Variants in TAB1 observed in about 807,000 individuals in gnomAD.
TAB1 encodes TGF-beta activated kinase 1 (MAP3K7) binding protein 1.
TAB1 carries 30 observed loss-of-function variants against 54.5 expected under a neutral mutation model. The observed-to-expected ratio is 0.55, with a 90% CI of 0.41 to 0.75. The LOEUF is 0.75. Among genes scored for constraint, TAB1 ranks in the 30% least tolerant of loss-of-function variants. The pLI is 0.00. For missense variants in TAB1, 609 were observed against 683.2 expected, an observed-to-expected ratio of 0.89 and a Z score of 1.21; for synonymous variants, 289 against 286.9, an observed-to-expected ratio of 1.01 and a Z score of -0.07.
At chr22:39,429,417 T>C in intron 10 of TAB1, 1 of 959,142 alleles carries the variant, frequency 1.0e-6, no homozygotes, top group South Asian at 4.8e-5. Flanking sequence ...GCGTGGGTGC[T>C]GTCCTGTCAC....
At chr22:39,416,755 T>G in intron 3 of TAB1, 36 bp from the exon 4 acceptor site, 3 of 1,605,528 alleles carry the variant, frequency 1.9e-6, no homozygotes, top group Non-Finnish European at 2.6e-6. Flanking sequence ...CAGTGGTGTT[T>G]TGAACCAGCC....
downstream of TAB1, among the ~76,000 whole-genome samples, chr22:39,434,768 T>C (rs1416088353): frequency 2.0e-5 from 3 of 152,242 alleles, no homozygotes; most frequent in African/African-American, 7.2e-5. Context: ...CTTGTCCTGG[T>C]TCTCCCATCA....
At chr22:39,425,090 C>T (rs1227387756) in intron 8 of TAB1, among the ~76,000 whole-genome samples, 2 of 151,972 alleles carry the variant, frequency 1.3e-5, no homozygotes, top group Non-Finnish European at 2.9e-5. Context: ...ACATGAGATT[C>T]GGCTGGGCGT....
chr22:39,401,053 A>G (rs1016018306), intron 1 of TAB1, among the ~76,000 whole-genome samples: 3 of 151,772 alleles, frequency 2.0e-5, no homozygotes, highest in African/African-American at 7.3e-5. Context: ...AAAAAAAAAA[A>G]AAACGAAAGT....
intron 10 of TAB1, among the ~76,000 whole-genome samples, chr22:39,428,702 T>G (rs743838): frequency 0.78 from 117,924 of 152,160 alleles, 46,731 homozygotes; most frequent in East Asian, 1. Flanking sequence ...CTTCACTTCC[T>G]TAGAATGTGC....
At chr22:39,431,990 G>C, downstream of TAB1, 2 of 578,352 alleles carry the variant, frequency 3.5e-6, no homozygotes, top group Non-Finnish European at 4.4e-6. Context: ...AGGCTGCTAA[G>C]TGGCAGGGCT....
At chr22:39,429,908 C>A in intron 10 of TAB1, 107 bp from the exon 11 acceptor site, 1 of 1,555,686 alleles carries the variant, frequency 6.4e-7, no homozygotes, top group Non-Finnish European at 8.7e-7. Flanking sequence ...CCAGAAAGGC[C>A]TGTGGCCCAA....
At chr22:39,433,971 G>A (rs1024434308), downstream of TAB1, 1 of 271,272 alleles carries the variant, frequency 3.7e-6, no homozygotes, top group Non-Finnish European at 5.6e-6. Flanking sequence ...TGCTCCACGG[G>A]AGCAAGGGCT....
intron 1 of TAB1, chr22:39,414,744 C>T (rs1926749225): frequency 4.3e-6 from 2 of 467,838 alleles, no homozygotes; most frequent in South Asian, 2.5e-5. Flanking sequence ...CGGCTCACTC[C>T]TGGAGGTCAT....
intron 7 of TAB1, among the ~76,000 whole-genome samples, chr22:39,420,773 C>CTGTGTGTG (rs765689530): frequency 9.4e-5 from 10 of 106,070 alleles, no homozygotes; most frequent in Non-Finnish European, 1.7e-4. Flanking sequence ...CACACGGTGT[C>CTGTGTGTG]TCTGTGTGTG....
At chr22:39,427,873 C>G in intron 9 of TAB1, 148 bp from the exon 10 acceptor site, 1 of 695,892 alleles carries the variant, frequency 1.4e-6, no homozygotes, top group Non-Finnish European at 2.3e-6. Context: ...GGGCAGGGGG[C>G]CCCACTGGGC....
chr22:39,406,384 G>A (rs910806688), intron 1 of TAB1, among the ~76,000 whole-genome samples: 1 of 125,148 alleles, frequency 8.0e-6, no homozygotes, highest in Non-Finnish European at 1.6e-5. Flanking sequence ...GGGCGACAGA[G>A]TGAGACTGTC....
At chr22:39,405,423 T>C (rs185484233) in intron 1 of TAB1, among the ~76,000 whole-genome samples, 4 of 152,378 alleles carry the variant, frequency 2.6e-5, no homozygotes, top group African/African-American at 9.6e-5. Flanking sequence ...TTCTCAGACA[T>C]GGAAGAGTTA....
At chr22:39,432,948 A>G (rs1927643099), downstream of TAB1, 4 of 985,414 alleles carry the variant, frequency 4.1e-6, no homozygotes, top group Non-Finnish European at 4.8e-6. Context: ...CAAGGTAAGG[A>G]AAGTGAATGG....
chr22:39,434,611 CG>C (rs1195352722), downstream of TAB1, among the ~76,000 whole-genome samples: 1 of 152,238 alleles, frequency 6.6e-6, no homozygotes, highest in Non-Finnish European at 1.5e-5. Flanking sequence ...CGAGCCTGGG[CG>C]GCCGCGTCAG....
intron 1 of TAB1, among the ~76,000 whole-genome samples, chr22:39,401,872 G>A (rs1313326381): frequency 6.6e-6 from 1 of 152,168 alleles, no homozygotes; most frequent in Non-Finnish European, 1.5e-5. Flanking sequence ...CAAGTCTGGG[G>A]AGAACAACTC....
Position 39,415,378 on chromosome 22 carries a change from C to A in TAB1, c.171-122C>A. On this transcript the variant is annotated intron_variant, in intron 2 of 10. Coordinates refer to ENST00000216160, the MANE Select transcript of TAB1 (RefSeq NM_006116.3). This position sits in a 1 kb window ranked among gnomAD's most constrained non-coding sequence, Gnocchi z 4.9. Reference sequence around the variant, plus strand: ...GAAATGATGGCTAAAGCAGGGGGACCCAGGAGGGCCCCTGAAGCTGCAGCT... The same window carrying A: ...GAAATGATGGCTAAAGCAGGGGGACACAGGAGGGCCCCTGAAGCTGCAGCT... 7.9e-7 allele frequency: 1 copy of A among 1,264,016 alleles called. No individual in the cohort carries two copies. Among genetic ancestry groups the A allele is most frequent in the Non-Finnish European group, 1.1e-6 (1 of 902,188 alleles). 78.3% of individuals were successfully genotyped at this position (1,264,016 alleles called of 1,614,324 possible).
In TAB1 at chr22:39,409,670, G is replaced by A. The variant is rs555498462; in HGVS notation, c.34-5336G>A. 1.3e-4 allele frequency among the ~76,000 whole-genome samples: 20 copies of A among 152,270 alleles called. No individual in the cohort carries two copies. The South Asian group carries it at 3.5e-3, about 27-fold the overall frequency. The stretch of plus-strand genomic sequence containing the variant: ...AGGTCACTGCCCCATAGTCATTCAG[G>A]TCTGGCTCAGACGTCACCTCCCCAG... On this transcript the variant is annotated intron_variant, in intron 1 of 10. Coordinates refer to ENST00000216160, the MANE Select transcript of TAB1 (RefSeq NM_006116.3).
chr22:39,425,137 C>G (rs1927263708), intron 8 of TAB1, among the ~76,000 whole-genome samples: 3 of 151,792 alleles, frequency 2.0e-5, no homozygotes. Flanking sequence ...CTTTGGGAGG[C>G]TGAGGCGGGA....
Sources: allele counts gnomAD v4.1 joint callset (sites outside exome capture counted in the v4.1 genomes callset), GRCh38; gene constraint gnomAD v4.1.1; non-coding constraint Gnocchi (gnomAD v3.1); transcripts MANE v1.5; gene names NCBI Gene and HGNC (gene_info 2026-07-23, HGNC 2026-07-21).